The following NKAIN2 variants were observed in gnomAD, a reference collection of about 807,000 sequenced individuals.
The protein encoded by NKAIN2 is sodium/potassium transporting ATPase interacting 2.
A neutral mutation model predicts 32.6 loss-of-function variants in NKAIN2; 14 were observed. The observed-to-expected ratio is 0.43, with a 90% confidence interval of 0.28 to 0.67. NKAIN2 has a LOEUF of 0.67. Ranked by LOEUF, NKAIN2 falls within the 30% of genes least tolerant of loss-of-function variation. The pLI, the probability that NKAIN2 is intolerant of heterozygous loss-of-function variation, is 0.17. For missense variants in NKAIN2, 198 were observed against 258.3 expected, an observed-to-expected ratio of 0.77 and a Z score of 1.60; for synonymous variants, 80 against 87.2, an observed-to-expected ratio of 0.92 and a Z score of 0.46.
intron 4 of NKAIN2, among the ~76,000 whole-genome samples, chr6:124,731,650 G>T (rs1776680948): frequency 6.6e-6 from 1 of 151,008 alleles, no homozygotes; most frequent in South Asian, 2.1e-4. Context: ...CATGGCACAT[G>T]TATACATATG....
chr6:123,994,483 C>G (rs888804254), intron 1 of NKAIN2, among the ~76,000 whole-genome samples: 4 of 152,076 alleles, frequency 2.6e-5, no homozygotes, highest in African/African-American at 9.7e-5. Flanking sequence ...TATCATAGGT[C>G]ATGTGCAGCT....
intron 5 of NKAIN2, among the ~76,000 whole-genome samples, chr6:124,816,225 G>T (rs1442093960): frequency 6.6e-6 from 1 of 152,138 alleles, no homozygotes; most frequent in African/African-American, 2.4e-5. Flanking sequence ...ATGACATTCT[G>T]TAGAAGGCAA....
At chr6:124,100,964 C>T (rs940319467) in intron 1 of NKAIN2, among the ~76,000 whole-genome samples, 1 of 152,166 alleles carries the variant, frequency 6.6e-6, no homozygotes, top group African/African-American at 2.4e-5. Flanking sequence ...TATCTTGCCA[C>T]AGGTGCTATA....
chr6:123,968,716 T>C (rs1168636661), intron 1 of NKAIN2, among the ~76,000 whole-genome samples: 5 of 152,202 alleles, frequency 3.3e-5, no homozygotes, highest in Admixed American at 2.6e-4. Context: ...GTGGATGTTC[T>C]AGTCTGCTTC....
chr6:124,014,477 A>G (rs537978787), intron 1 of NKAIN2, among the ~76,000 whole-genome samples: 62 of 152,172 alleles, frequency 4.1e-4, no homozygotes, highest in African/African-American at 1.4e-3. Context: ...GTCCTCAATA[A>G]GACCTCTAGT....
intron 2 of NKAIN2, 75 bp downstream of exon 2, chr6:124,283,217 C>A: frequency 1.0e-6 from 1 of 994,920 alleles, no homozygotes; most frequent in Non-Finnish European, 1.6e-6. Flanking sequence ...GCCTTGAAAA[C>A]TTATGTGTAT....
intron 1 of NKAIN2, among the ~76,000 whole-genome samples, chr6:124,069,024 A>AT (rs1298293726): frequency 6.6e-6 from 1 of 151,810 alleles, no homozygotes; most frequent in Non-Finnish European, 1.5e-5. Flanking sequence ...AAAGATCACA[A>AT]TTTTTTTTGT....
intron 1 of NKAIN2, among the ~76,000 whole-genome samples, chr6:124,041,488 G>A (rs572050236): frequency 9.2e-4 from 140 of 152,054 alleles, no homozygotes; most frequent in Non-Finnish European, 1.6e-3. Context: ...TTTTAGCACT[G>A]ATTTCCTGCT....
chr6:124,057,587 TG>T (rs1782717096), intron 1 of NKAIN2, among the ~76,000 whole-genome samples: 1 of 151,806 alleles, frequency 6.6e-6, no homozygotes, highest in Non-Finnish European at 1.5e-5. Context: ...GCCTTGTTGC[TG>T]GCAAGAAGCG....
intron 1 of NKAIN2, among the ~76,000 whole-genome samples, chr6:124,155,904 A>G (rs1369976170): frequency 6.6e-6 from 1 of 151,848 alleles, no homozygotes; most frequent in Non-Finnish European, 1.5e-5. Context: ...GGTCCTTTGA[A>G]TAGGGCTATA....
rs141734922 is a variant in NKAIN2, at chr6:124,526,517, T to G, written c.274-131669T>G. Among the ~76,000 whole-genome samples the G allele has an allele frequency of 1.4e-3, 216 of 152,164 alleles. 1 individual carries two copies. Among genetic ancestry groups the G allele is most frequent in the African/African-American group, 4.8e-3 (198 of 41,522 alleles). ...AAGAGGGCCAACCCCCACCCTCAGA[T>G]AGAAAGATATGTATCTCAGAGACAA... is the stretch of plus-strand genomic sequence containing the variant. On this transcript the variant is annotated intron_variant, in intron 3 of 6. Coordinates refer to ENST00000368417, the MANE Select transcript of NKAIN2 (RefSeq NM_001040214.3).
chr6:124,730,260 T>C (rs1776593421), intron 4 of NKAIN2, among the ~76,000 whole-genome samples: 1 of 100,904 alleles, frequency 9.9e-6, no homozygotes, highest in African/African-American at 3.8e-5. Flanking sequence ...AAGTCAATCC[T>C]AAGCCAAAAG....
chr6:124,307,970 TA>T (rs869064388), intron 2 of NKAIN2, among the ~76,000 whole-genome samples: 6 of 152,142 alleles, frequency 3.9e-5, no homozygotes, highest in East Asian at 1.9e-4. Flanking sequence ...TAACTTTCTT[TA>T]AAAAAAATTT....
chr6:124,320,747 T>C (rs1283380979), intron 2 of NKAIN2, among the ~76,000 whole-genome samples: 1 of 152,236 alleles, frequency 6.6e-6, no homozygotes, highest in Non-Finnish European at 1.5e-5. Context: ...ATCCATGATA[T>C]TCAATGAATA....
chr6:124,519,353 A>T (rs1355185484), intron 3 of NKAIN2, among the ~76,000 whole-genome samples: 1 of 152,214 alleles, frequency 6.6e-6, no homozygotes, highest in African/African-American at 2.4e-5. Context: ...CTGACCATCA[A>T]TGAGGATTGA....
Position 124,231,880 on chromosome 6 carries a change from C to T in NKAIN2, c.55-51125C>T, listed in dbSNP as rs556136901. Reference sequence around the variant, plus strand: ...AAATATACATATATATATACTTGCACATATAAGTATATATCTAAAAAGAAT... The same window carrying T: ...AAATATACATATATATATACTTGCATATATAAGTATATATCTAAAAAGAAT... On this transcript the variant is annotated intron_variant, in intron 1 of 6. Transcript: ENST00000368417. Among the ~76,000 whole-genome samples the T allele has an allele frequency of 4.6e-5, 7 of 151,744 alleles. No individual in the cohort carries two copies. In the South Asian group the frequency reaches 1.5e-3, roughly 32 times the overall value.
chr6:124,543,501 T>C lies in NKAIN2; in HGVS notation c.274-114685T>C, dbSNP rs559460374. The stretch of plus-strand genomic sequence containing the variant: ...TATGACCCAATTTGATGTTTAATTC[T>C]TACGGGGAAAATCTTACCATTGACT... On this transcript the variant is annotated intron_variant, in intron 3 of 6. Transcript: ENST00000368417. Among the ~76,000 whole-genome samples, 7 of 152,284 alleles carry C rather than the reference T, an allele frequency of 4.6e-5. No individual in the cohort carries two copies. The East Asian group carries it at 1.2e-3, about 25-fold the overall frequency.
At chr6:123,865,478 T>A (rs567807871) in intron 1 of NKAIN2, among the ~76,000 whole-genome samples, 44 of 152,262 alleles carry the variant, frequency 2.9e-4, no homozygotes, top group African/African-American at 1.0e-3. Flanking sequence ...TTTTCAATTA[T>A]TTCTCATAAT....
intron 1 of NKAIN2, among the ~76,000 whole-genome samples, chr6:124,087,811 G>A (rs1460370110): frequency 2.0e-5 from 3 of 152,006 alleles, no homozygotes; most frequent in South Asian, 4.1e-4. Context: ...GGTAGACATG[G>A]ATAGTTGGCA....
Sources: gnomAD v4.1 joint callset for allele counts (sites outside exome capture counted in the v4.1 genomes callset) on GRCh38, gnomAD v4.1.1 for gene constraint, MANE v1.5 for transcripts, NCBI Gene and HGNC (gene_info 2026-07-23, HGNC 2026-07-21) for gene names.